AKR1C1: variants seen among roughly 807,000 people sequenced by gnomAD.
The protein encoded by AKR1C1 is aldo-keto reductase family 1 member C1, also known as 20 alpha-hydroxysteroid dehydrogenase.
A neutral mutation model predicts 40.6 loss-of-function variants in AKR1C1; 32 were observed. The observed-to-expected ratio is 0.79, with a 90% CI of 0.60 to 1.06. The LOEUF is 1.06. AKR1C1 is among the 50% of genes least tolerant of loss of function. The pLI is 0.00. For synonymous variants in AKR1C1, 105 were observed against 134.2 expected (o/e 0.78, Z 1.50); for missense variants, 320 against 363.5 (o/e 0.88, Z 0.97).
At chr10:4,975,973 G>C (rs1482986389) in intron 8 of AKR1C1, 40 bp downstream of exon 8, 2 of 414,658 alleles carry the variant, frequency 4.8e-6, no homozygotes, top group African/African-American at 2.6e-5. Flanking sequence ...TTTATTTTCA[G>C]AGGAGGAACG....
chr10:4,963,917 A>T, intron 1 of AKR1C1: 3 of 748,252 alleles, frequency 4.0e-6, no homozygotes, highest in Non-Finnish European at 7.4e-6. Flanking sequence ...GGGTGGATGA[A>T]ATCTGTTGGG....
chr10:4,975,449 C>G (rs71230207), intron 7 of AKR1C1, among the ~76,000 whole-genome samples: 18,584 of 152,052 alleles, frequency 0.12, 1,222 homozygotes, highest in South Asian at 0.19. Context: ...CCTATTATAC[C>G]TGTTCATTGG....
chr10:4,977,695 T>C lies in AKR1C1; in HGVS notation c.930-5T>C, dbSNP rs782388695. On this transcript the variant is annotated splice_region_variant and splice_polypyrimidine_tract_variant and intron_variant, in intron 8 of 8. Coordinates refer to ENST00000380872, the MANE Select transcript of AKR1C1 (RefSeq NM_001353.6). The stretch of plus-strand genomic sequence containing the variant: ...CAGAGTGTGCATTTTTTTTTCTCTT[T>C]CCAGTTTTGCTGGCCCCCCTAATTA... 2.5e-5 allele frequency: 40 copies of C among 1,612,674 alleles called. No homozygotes were observed. Among genetic ancestry groups the C allele is most frequent in the Non-Finnish European group, 3.3e-5 (39 of 1,179,596 alleles).
intron 1 of AKR1C1, among the ~76,000 whole-genome samples, chr10:4,964,063 A>G (rs1013997582): frequency 2.0e-5 from 3 of 152,234 alleles, no homozygotes; most frequent in African/African-American, 7.2e-5. Context: ...ATTTTAAGAA[A>G]AAAAAAATAC....
At chr10:4,964,104 T>A (rs112309424) in intron 1 of AKR1C1, among the ~76,000 whole-genome samples, 272 of 152,352 alleles carry the variant, frequency 1.8e-3, no homozygotes, top group African/African-American at 6.2e-3. Context: ...TTAAATTCTT[T>A]TTCTTTGTTA....
At chr10:4,976,352 G>A (rs1286460787) in intron 8 of AKR1C1, among the ~76,000 whole-genome samples, 10 of 152,098 alleles carry the variant, frequency 6.6e-5, no homozygotes, top group African/African-American at 2.2e-4. Flanking sequence ...AGGCAGTTCC[G>A]TCAATCTTGT....
chr10:4,973,860 T>C (rs1366155300), intron 7 of AKR1C1, among the ~76,000 whole-genome samples: 2 of 151,538 alleles, frequency 1.3e-5, no homozygotes, highest in Admixed American at 1.3e-4. Context: ...AGAATTAATA[T>C]CCAGAATACA....
chr10:4,973,515 C>CAT (rs1836473266), intron 7 of AKR1C1, among the ~76,000 whole-genome samples: 1 of 152,072 alleles, frequency 6.6e-6, no homozygotes, highest in East Asian at 1.9e-4. Context: ...GACCCCAAGG[C>CAT]AGTGAGTGGA....
rs1446558895 is a variant in AKR1C1 at position 4,963,476 on chromosome 10, A to G, written c.32A>G (p.Asn11Ser). 7 of 1,613,848 alleles carry G rather than the reference A, an allele frequency of 4.3e-6. No homozygotes were observed. Among genetic ancestry groups the G allele is most frequent in the East Asian group, 4.5e-5 (2 of 44,896 alleles). The change falls in exon 1 of 9, where the codon AAT becomes AGT. Residue 11 changes from asparagine to serine, a missense_variant. Physicochemically the swap from Asn to Ser is conservative, Grantham distance 46. This residue lies in a region of AKR1C1 where 214 missense variants were observed against 214.8 expected (regional missense o/e 1.00). Coordinates refer to ENST00000380872, the MANE Select transcript of AKR1C1 (RefSeq NM_001353.6). ...TCGAAATATCAGTGTGTGAAGCTGA[A>G]TGATGGTCACTTCATGCCTGTCCTG... Reference protein sequence around the residue: MDSKYQCVKLNDGHFMPVLGF... With the variant: MDSKYQCVKLSDGHFMPVLGF...
chr10:4,977,739 T>G lies in AKR1C1; in HGVS notation c.969T>G (p.Tyr323Ter), dbSNP rs201500205. The G allele has an allele frequency of 2.4e-4, 385 of 1,612,104 alleles. 5 individuals are homozygous for G. In the East Asian group the frequency reaches 7.1e-3, roughly 30 times the overall value. Reference sequence around the variant, plus strand: ...CTAATTATCCATTTTCTGATGAATATTAACATGGAGGGCATTGCATGAGGT... The same window carrying G: ...CTAATTATCCATTTTCTGATGAATAGTAACATGGAGGGCATTGCATGAGGT... ...GPPNYPFSDE[Y>*] Residue 323 changes from tyrosine to a stop codon, truncating the protein, a stop_gained, in exon 9 of 9, where the codon TAT (tyrosine) becomes TAG (stop). Coordinates refer to ENST00000380872, the MANE Select transcript of AKR1C1 (RefSeq NM_001353.6). LOFTEE classifies it high-confidence loss of function.
intron 5 of AKR1C1, chr10:4,969,745 T>C (rs745762690): frequency 1.1e-4 from 180 of 1,607,686 alleles, no homozygotes; most frequent in East Asian, 7.1e-4. Flanking sequence ...AAATTGACTG[T>C]CCCCAAATGT....
At position 4,981,442 on chromosome 10, in the gene AKR1C1, A is replaced by G. The variant is rs1162869906; in HGVS notation, c.*3700A>G. ...AGATGTCAACTATGAGATCTCATCA[A>G]GAACTAAGAAAATGGAGAAAAGTAC... On this transcript the variant is annotated 3_prime_UTR_variant, in exon 9 of 9. Transcript: ENST00000380872. The G allele has an allele frequency of 1.3e-5, 2 of 152,236 alleles. No individual in the cohort carries two copies. Among genetic ancestry groups the G allele is most frequent in the Non-Finnish European group, 2.9e-5 (2 of 68,048 alleles). The allele number at this position is 152,236 out of a possible 1,614,324, so 9.4% of individuals were successfully genotyped here.
At position 4,979,115 on chromosome 10, in the gene AKR1C1, G is replaced by A. The variant is rs1836574042; in HGVS notation, c.*1373G>A. On this transcript the variant is annotated 3_prime_UTR_variant, in exon 9 of 9. Coordinates refer to ENST00000380872, the MANE Select transcript of AKR1C1 (RefSeq NM_001353.6). ...CCTTCTCAAGCCATGTCTCAGAGCT[G>A]AGAGGCATCCCAGCAAGTTTTGCAG... 6.6e-6 allele frequency: 1 copy of A among 152,196 alleles called. No individual in the cohort carries two copies. Among genetic ancestry groups the A allele is most frequent in the African/African-American group, 2.4e-5 (1 of 41,458 alleles). 9.4% of individuals were successfully genotyped at this position (152,196 alleles called of 1,614,324 possible). A position where few individuals can be genotyped will look rare whatever the true frequency, so the allele number is the denominator to read the frequency against.
intron 8 of AKR1C1, 41 bp from the exon 9 acceptor site, chr10:4,977,659 T>C (rs781888630): frequency 5.0e-6 from 8 of 1,611,192 alleles, no homozygotes; most frequent in African/African-American, 2.7e-5. Context: ...AGTAACGGAG[T>C]CATTGCCATT....
Position 4,983,075 on chromosome 10 carries a change from G to A in AKR1C1, c.*5333G>A, listed in dbSNP as rs1292040471. ...AGACTTGTGCTGAGGTGAAGCCTGG[G>A]CTGGATGGCTGGAGGATGAAGAACT... On this transcript the variant is annotated 3_prime_UTR_variant, in exon 9 of 9. Transcript: ENST00000380872. 8.5e-6 allele frequency: 3 copies of A among 354,918 alleles called. No individual in the cohort carries two copies. Among genetic ancestry groups the A allele is most frequent in the Non-Finnish European group, 1.7e-5 (3 of 180,728 alleles). 22.0% of individuals were successfully genotyped at this position (354,918 alleles called of 1,614,324 possible).
chr10:4,976,888 G>A (rs536422734), intron 8 of AKR1C1, among the ~76,000 whole-genome samples: 10 of 152,226 alleles, frequency 6.6e-5, no homozygotes, highest in East Asian at 1.9e-4. Flanking sequence ...AAATGAAAAC[G>A]GAGATGATAA....
rs1344881020 is a variant in AKR1C1 at position 4,979,091 on chromosome 10, C to T, written c.*1349C>T. ...GCCATGTTAACCCCATCAGAGATTC[C>T]TTCTCAAGCCATGTCTCAGAGCTGA... On this transcript the variant is annotated 3_prime_UTR_variant, in exon 9 of 9. Coordinates refer to ENST00000380872, the MANE Select transcript of AKR1C1 (RefSeq NM_001353.6). 1 of 152,178 alleles carries T rather than the reference C, an allele frequency of 6.6e-6. No individual in the cohort carries two copies. The highest frequency in any genetic ancestry group is 2.4e-5 in the African/African-American group (1 of 41,434). 9.4% of individuals were successfully genotyped at this position (152,178 alleles called of 1,614,324 possible).
chr10:4,965,777 G>T (rs1836321256), intron 1 of AKR1C1, 137 bp from the exon 2 acceptor site: 3 of 1,008,888 alleles, frequency 3.0e-6, no homozygotes, highest in Non-Finnish European at 4.2e-6. Flanking sequence ...AGGGAGACTG[G>T]GATGGGCTCA....
chr10:4,969,623 T>A, intron 5 of AKR1C1: 3 of 1,591,504 alleles, frequency 1.9e-6, no homozygotes, highest in Admixed American at 3.5e-5. Flanking sequence ...TTGGAGTCTG[T>A]CATGCAATCA....
Sources: allele counts gnomAD v4.1 joint callset (sites outside exome capture counted in the v4.1 genomes callset), GRCh38; gene constraint gnomAD v4.1.1; regional missense constraint gnomAD v4.1.1; transcripts MANE v1.5; gene names NCBI Gene and HGNC (gene_info 2026-07-23, HGNC 2026-07-21).